The following GABRG1 variants were observed in gnomAD, a reference collection of about 807,000 sequenced individuals.
The protein encoded by GABRG1 is gamma-aminobutyric acid type A receptor subunit gamma1.
GABRG1 carries 49 observed loss-of-function variants against 49.8 expected under a neutral mutation model. The ratio of observed to expected loss-of-function variants is 0.98; its 90% CI spans 0.78 to 1.25. The LOEUF (loss-of-function observed/expected upper bound fraction) is 1.25. GABRG1 is among the 50% of genes most tolerant of loss of function. GABRG1 has a pLI of 0.00. For synonymous variants in GABRG1, 232 were observed against 185.1 expected (o/e 1.25, Z -2.06); for missense variants, 552 against 552.3 (o/e 1.00, Z 0.01).
Position 46,037,308 on chromosome 4 carries a change from A to G in GABRG1, c.*3680T>C, listed in dbSNP as rs1717569197. On this transcript the variant is annotated 3_prime_UTR_variant, in exon 9 of 9. Coordinates refer to ENST00000295452, the MANE Select transcript of GABRG1 (RefSeq NM_173536.4). ...TACATTAACTAGAGCAATGTGGTCA[A>G]TAGTATTTGAAAACTCCATTTGGAA... 1 of 151,862 alleles carries G rather than the reference A, an allele frequency of 6.6e-6. No homozygotes were observed. The highest frequency in any genetic ancestry group is 2.1e-4 in the South Asian group (1 of 4,832). 9.4% of individuals were successfully genotyped at this position (151,862 alleles called of 1,614,324 possible).
In GABRG1 at chr4:46,056,132, A is replaced by AT. The variant is rs1560351282; in HGVS notation, c.916+2084_916+2085insA. 2.3e-3 allele frequency among the ~76,000 whole-genome samples: 69 copies of AT among 30,382 alleles called. 5 individuals are homozygous for AT. Among genetic ancestry groups the AT allele is most frequent in the African/African-American group, 0.018 (60 of 3,376 alleles). 19.9% of individuals were successfully genotyped at this position (30,382 alleles called of 152,430 possible). A position where few individuals can be genotyped will look rare whatever the true frequency, so the allele number is the denominator to read the frequency against. On this transcript the variant is annotated intron_variant, in intron 7 of 8. Coordinates refer to ENST00000295452, the MANE Select transcript of GABRG1 (RefSeq NM_173536.4). ...AAAAAAAAAAAAGAAAGGAAAAAAA[A>AT]AAAAATAAATAAATAAATTAAAAAA...
intron 3 of GABRG1, among the ~76,000 whole-genome samples, chr4:46,077,320 T>A (rs1038627374): frequency 6.6e-6 from 1 of 151,758 alleles, no homozygotes; most frequent in African/African-American, 2.4e-5. Context: ...AAAATATTTT[T>A]AAAAAAAGTA....
intron 1 of GABRG1, among the ~76,000 whole-genome samples, chr4:46,123,053 G>C (rs149507373): frequency 6.0e-5 from 9 of 150,844 alleles, no homozygotes; most frequent in Non-Finnish European, 1.3e-4. Context: ...TGAAATTTGT[G>C]ATCGGTGACA....
chr4:46,096,351 G>A (rs187540394), intron 2 of GABRG1, among the ~76,000 whole-genome samples: 7 of 151,488 alleles, frequency 4.6e-5, no homozygotes, highest in African/African-American at 1.7e-4. Flanking sequence ...GAAAGACTAA[G>A]GCTATTAAGA....
At chr4:46,114,150 CA>C (rs773203284) in intron 1 of GABRG1, among the ~76,000 whole-genome samples, 17 of 150,898 alleles carry the variant, frequency 1.1e-4, no homozygotes, top group Non-Finnish European at 2.1e-4. Flanking sequence ...TTTCACTGTA[CA>C]AAAGCTATAG....
intron 2 of GABRG1, among the ~76,000 whole-genome samples, chr4:46,090,460 T>A (rs927882018): frequency 6.6e-6 from 1 of 152,072 alleles, no homozygotes; most frequent in Non-Finnish European, 1.5e-5. Flanking sequence ...ACCTAGTTTA[T>A]ATTTTAAGCA....
intron 2 of GABRG1, among the ~76,000 whole-genome samples, chr4:46,088,566 C>A (rs1448728408): frequency 2.0e-5 from 3 of 151,946 alleles, no homozygotes; most frequent in Admixed American, 6.6e-5. Flanking sequence ...CTTGCGCAGG[C>A]TTTCCAATAT....
chr4:46,115,596 C>A (rs1323082265), intron 1 of GABRG1, among the ~76,000 whole-genome samples: 1 of 150,600 alleles, frequency 6.6e-6, no homozygotes, highest in Non-Finnish European at 1.5e-5. Context: ...TAAGATTATA[C>A]ATCAATGATT....
chr4:46,073,537 A>C (rs1347895469), intron 3 of GABRG1, among the ~76,000 whole-genome samples: 3 of 151,880 alleles, frequency 2.0e-5, no homozygotes, highest in African/African-American at 7.3e-5. Context: ...CTATGTTATC[A>C]CTGTGGGTTA....
intron 1 of GABRG1, among the ~76,000 whole-genome samples, chr4:46,116,945 C>T (rs1042628802): frequency 1.2e-4 from 18 of 150,418 alleles, no homozygotes; most frequent in African/African-American, 3.4e-4. Flanking sequence ...CTCTATTACA[C>T]GTGCTGGAAA....
At chr4:46,116,252 G>T (rs928310784) in intron 1 of GABRG1, among the ~76,000 whole-genome samples, 1 of 150,770 alleles carries the variant, frequency 6.6e-6, no homozygotes. Flanking sequence ...TTTGGAGTAA[G>T]AGAAAGAAAA....
intron 1 of GABRG1, among the ~76,000 whole-genome samples, chr4:46,114,834 A>C (rs1047434992): frequency 7.9e-5 from 12 of 151,104 alleles, no homozygotes; most frequent in African/African-American, 1.2e-4. Context: ...TTCATCAAAA[A>C]TAAAAACAGA....
Position 46,084,134 on chromosome 4 carries a change from A to T in GABRG1, c.254-81T>A, listed in dbSNP as rs568313247. The T allele has an allele frequency of 1.6e-4, 121 of 746,600 alleles. 1 individual carries two copies. Among genetic ancestry groups the T allele is most frequent in the Non-Finnish European group, 2.6e-4 (115 of 437,686 alleles). The allele number at this position is 746,600 out of a possible 1,614,324, so 46.2% of individuals were successfully genotyped here. On this transcript the variant is annotated intron_variant, in intron 2 of 8. Transcript: ENST00000295452. ...TAAATCTTAGTTTTAAAGAAATCTT[A>T]ATAACTACTTATATATTAACACTTC... is the stretch of plus-strand genomic sequence containing the variant.
chr4:46,114,095 C>CT (rs2109442764), intron 1 of GABRG1, among the ~76,000 whole-genome samples: 1 of 151,012 alleles, frequency 6.6e-6, no homozygotes, highest in African/African-American at 2.4e-5. Flanking sequence ...CTACTAAACC[C>CT]TTTTGTAGAA....
Position 46,123,770 on chromosome 4 carries a change from A to G in GABRG1, c.104+40T>C, listed in dbSNP as rs763270192. 1.2e-5 allele frequency: 17 copies of G among 1,388,206 alleles called. No homozygotes were observed. In the South Asian group the frequency reaches 1.7e-4, roughly 14 times the overall value. 86.0% of individuals were successfully genotyped at this position (1,388,206 alleles called of 1,614,324 possible). ...GAAAGGGGAATAAGGGGAAAGGGGT[A>G]GATAGCAAAGAATAGTTTTAAACCC... On this transcript the variant is annotated intron_variant, in intron 1 of 8. Transcript: ENST00000295452.
intron 1 of GABRG1, among the ~76,000 whole-genome samples, chr4:46,107,354 C>T (rs953604260): frequency 6.6e-6 from 1 of 151,090 alleles, no homozygotes; most frequent in African/African-American, 2.4e-5. Context: ...TAATAATGTA[C>T]ACAATGCTTT....
intron 8 of GABRG1, among the ~76,000 whole-genome samples, chr4:46,045,336 G>T (rs896926044): frequency 5.9e-5 from 9 of 151,918 alleles, no homozygotes; most frequent in African/African-American, 2.2e-4. Context: ...TGAAAAAACT[G>T]CTCATAGTAT....
At chr4:46,058,140 G>T (rs1214826356) in intron 7 of GABRG1, 77 bp downstream of exon 7, 1 of 1,367,274 alleles carries the variant, frequency 7.3e-7, no homozygotes, top group Non-Finnish European at 1.0e-6. Flanking sequence ...TCTAATAAAT[G>T]TGACTATGAA....
At chr4:46,048,410 GGA>G in intron 8 of GABRG1, among the ~76,000 whole-genome samples, 1 of 150,120 alleles carries the variant, frequency 6.7e-6, no homozygotes, top group South Asian at 2.1e-4. Context: ...AAGGAAGGAA[GGA>G]AGGAAGGAAG....
Sources: gnomAD v4.1 joint callset for allele counts (sites outside exome capture counted in the v4.1 genomes callset) on GRCh38, gnomAD v4.1.1 for gene constraint, MANE v1.5 for transcripts, NCBI Gene and HGNC (gene_info 2026-07-23, HGNC 2026-07-21) for gene names.